Variants in CPA6 observed in about 807,000 individuals in gnomAD.
CPA6 encodes carboxypeptidase A6.
CPA6 carries 58 observed loss-of-function variants against 63.3 expected under a neutral mutation model. The observed-to-expected ratio is 0.92, with a 90% CI of 0.74 to 1.14. CPA6 has a LOEUF of 1.14. Among genes scored for constraint, CPA6 ranks in the 50% most tolerant of loss-of-function variants. The pLI is 0.00. For missense variants in CPA6, 565 were observed against 526.6 expected, an observed-to-expected ratio of 1.07 and a Z score of -0.71; for synonymous variants, 185 against 179.0, an observed-to-expected ratio of 1.03 and a Z score of -0.27.
intron 2 of CPA6, among the ~76,000 whole-genome samples, chr8:67,568,282 G>C: frequency 6.6e-6 from 1 of 151,690 alleles, no homozygotes. Flanking sequence ...AACAAACAAA[G>C]AAAAAAACAA....
intron 8 of CPA6, among the ~76,000 whole-genome samples, chr8:67,436,556 T>C (rs1465847084): frequency 2.6e-5 from 4 of 152,294 alleles, no homozygotes; most frequent in African/African-American, 9.6e-5. Context: ...CTATTATGCT[T>C]TTAGAACAGC....
rs1468655920 is a variant in CPA6 at position 67,727,163 on chromosome 8, A to C, written c.116+18851T>G. 1.3e-5 allele frequency among the ~76,000 whole-genome samples: 2 copies of C among 152,082 alleles called. 1 individual carries two copies. Among genetic ancestry groups the C allele is most frequent in the Non-Finnish European group, 2.9e-5 (2 of 68,016 alleles). Reference sequence around the variant, plus strand: ...AAAGTATAGGGAGAAAGAAAAAAAAACCCTATGTTACAGTGTCACTTGGAC... The same window carrying C: ...AAAGTATAGGGAGAAAGAAAAAAAACCCCTATGTTACAGTGTCACTTGGAC... On this transcript the variant is annotated intron_variant, in intron 1 of 10. Coordinates refer to ENST00000297770, the MANE Select transcript of CPA6 (RefSeq NM_020361.5).
intron 2 of CPA6, among the ~76,000 whole-genome samples, chr8:67,533,509 C>G (rs1812520267): frequency 6.6e-6 from 1 of 152,176 alleles, no homozygotes; most frequent in South Asian, 2.1e-4. Flanking sequence ...AATTCGGGCA[C>G]TATAGTTCGG....
chr8:67,574,828 G>A (rs187365025), intron 2 of CPA6, among the ~76,000 whole-genome samples: 78 of 150,336 alleles, frequency 5.2e-4, no homozygotes, highest in African/African-American at 1.8e-3. Flanking sequence ...TCCAGCCTAC[G>A]ATTTTTTTTT....
intron 1 of CPA6, among the ~76,000 whole-genome samples, chr8:67,702,257 T>G (rs116826816): frequency 0.042 from 6,360 of 152,238 alleles, 219 homozygotes; most frequent in African/African-American, 0.091. Flanking sequence ...TCAAGAAAAT[T>G]ATATAGAATG....
At chr8:67,705,877 CA>C (rs1310240909) in intron 1 of CPA6, among the ~76,000 whole-genome samples, 1 of 152,058 alleles carries the variant, frequency 6.6e-6, no homozygotes, top group East Asian at 1.9e-4. Flanking sequence ...ACATGCAGTA[CA>C]AACCAAAACT....
rs945724653 is a variant in CPA6, at chr8:67,548,581, G to T, written c.193-30534C>A. 5.9e-5 allele frequency among the ~76,000 whole-genome samples: 9 copies of T among 152,056 alleles called. 1 individual carries two copies. In the East Asian group the frequency reaches 1.7e-3, roughly 29 times the overall value. On this transcript the variant is annotated intron_variant, in intron 2 of 10. Coordinates refer to ENST00000297770, the MANE Select transcript of CPA6 (RefSeq NM_020361.5). ...TATTTTTTCTTATAAGAAAGATAAC[G>T]ACCAAAAAACAAAGGAAGAACAACT... is the stretch of plus-strand genomic sequence containing the variant.
Position 67,484,773 on chromosome 8 carries a change from T to C in CPA6, c.653A>G (p.Lys218Arg). 2 of 1,599,732 alleles carry C rather than the reference T, an allele frequency of 1.3e-6. No individual in the cohort carries two copies. The highest frequency in any genetic ancestry group is 8.6e-7 in the Non-Finnish European group (1 of 1,168,070). ...CATTTTTCTCATGGCTGGGTCACTC[T>C]TATATGTTAGAAGAGCCTAAAAGAC... Reference protein sequence around the residue: ...WFVKEALLTYKSDPAMRKMLN... With the variant: ...WFVKEALLTYRSDPAMRKMLN... Residue 218 changes from lysine to arginine, a missense_variant, in exon 7 of 11, where the codon AAG (lysine) becomes AGG (arginine). Transcript: ENST00000297770.
intron 2 of CPA6, among the ~76,000 whole-genome samples, chr8:67,571,760 A>G (rs1194253441): frequency 3.3e-5 from 5 of 152,156 alleles, no homozygotes; most frequent in Admixed American, 2.6e-4. Context: ...CAAATAAACA[A>G]TCTAATATCA....
intron 1 of CPA6, among the ~76,000 whole-genome samples, chr8:67,651,990 GTGTT>G (rs1047653514): frequency 1.9e-4 from 29 of 151,978 alleles, no homozygotes; most frequent in Admixed American, 8.5e-4. Context: ...AGAACATGCG[GTGTT>G]TGTTTTTTTG....
At chr8:67,614,769 C>T (rs1342270712) in intron 2 of CPA6, among the ~76,000 whole-genome samples, 3 of 152,122 alleles carry the variant, frequency 2.0e-5, no homozygotes, top group Non-Finnish European at 2.9e-5. Context: ...TCCCATGCCT[C>T]CAGGAAGATG....
At chr8:67,674,249 A>G (rs1056050120) in intron 1 of CPA6, among the ~76,000 whole-genome samples, 1 of 152,204 alleles carries the variant, frequency 6.6e-6, no homozygotes, top group Non-Finnish European at 1.5e-5. Flanking sequence ...TACTGCAGAG[A>G]CTACCTGAGC....
chr8:67,633,635 C>T (rs1256447996), intron 1 of CPA6, among the ~76,000 whole-genome samples: 1 of 148,404 alleles, frequency 6.7e-6, no homozygotes. Flanking sequence ...GAGCAGAGAT[C>T]GCGCCACTGC....
chr8:67,694,710 A>G (rs573563148), intron 1 of CPA6, among the ~76,000 whole-genome samples: 1 of 152,338 alleles, frequency 6.6e-6, no homozygotes, highest in Non-Finnish European at 1.5e-5. Context: ...GCCTGGTTTC[A>G]GATGATTCTG....
chr8:67,711,362 A>G (rs546058841), intron 1 of CPA6, among the ~76,000 whole-genome samples: 2 of 152,354 alleles, frequency 1.3e-5, no homozygotes, highest in Admixed American at 1.3e-4. Context: ...AACTCAGACT[A>G]TCTTTGGTAA....
At chr8:67,630,919 G>C (rs928524161) in intron 1 of CPA6, among the ~76,000 whole-genome samples, 8 of 152,240 alleles carry the variant, frequency 5.3e-5, no homozygotes, top group African/African-American at 1.4e-4. Context: ...CGGCCCACTG[G>C]TGCCATGCTT....
At chr8:67,440,747 G>GGTATACACAA (rs1361728171) in intron 8 of CPA6, among the ~76,000 whole-genome samples, 1 of 151,954 alleles carries the variant, frequency 6.6e-6, no homozygotes, top group Non-Finnish European at 1.5e-5. Flanking sequence ...ATAACAAGAT[G>GGTATACACAA]ATAAATATTT....
At position 67,701,926 on chromosome 8, in the gene CPA6, C is replaced by T. The variant is rs1401377341; in HGVS notation, c.116+44088G>A. ...AGTGGCTCCCAATCCTCATTTCCACCCAAGGACCCCTTTTGTATTCATCCC... is the reference window on the plus strand; with the variant it reads ...AGTGGCTCCCAATCCTCATTTCCACTCAAGGACCCCTTTTGTATTCATCCC... On this transcript the variant is annotated intron_variant, in intron 1 of 10. Coordinates refer to ENST00000297770, the MANE Select transcript of CPA6 (RefSeq NM_020361.5). Among the ~76,000 whole-genome samples, 3 of 152,126 alleles carry T rather than the reference C, an allele frequency of 2.0e-5. No individual in the cohort carries two copies. In the South Asian group the frequency reaches 6.2e-4, roughly 32 times the overall value.
At chr8:67,566,176 A>G (rs1371226166) in intron 2 of CPA6, among the ~76,000 whole-genome samples, 2 of 152,150 alleles carry the variant, frequency 1.3e-5, no homozygotes, top group African/African-American at 4.8e-5. Context: ...TTGTCGTTTC[A>G]ATAGTATTAG....
Sources: allele counts gnomAD v4.1 joint callset (sites outside exome capture counted in the v4.1 genomes callset), GRCh38; gene constraint gnomAD v4.1.1; transcripts MANE v1.5; gene names NCBI Gene and HGNC (gene_info 2026-07-23, HGNC 2026-07-21).